Variants in RIMKLA observed in about 807,000 individuals in gnomAD.
RIMKLA encodes N-acetylaspartylglutamate synthase A.
RIMKLA carries 14 observed loss-of-function variants against 32.7 expected under a neutral mutation model. The observed-to-expected ratio is 0.43, with a 90% CI of 0.28 to 0.67. RIMKLA has a LOEUF of 0.67. Ranked by LOEUF, RIMKLA falls within the 30% of genes least tolerant of loss-of-function variation. The pLI is 0.18. For synonymous variants in RIMKLA, 176 were observed against 204.1 expected, an observed-to-expected ratio of 0.86 and a Z score of 1.18; for missense variants, 410 against 519.0, an observed-to-expected ratio of 0.79 and a Z score of 2.04.
At chr1:42,399,343 A>G (rs1643076394) in intron 1 of RIMKLA, 61 bp from the exon 2 acceptor site, 2 of 1,268,150 alleles carry the variant, frequency 1.6e-6, no homozygotes, top group Admixed American at 2.1e-5. Context: ...TGTTGGAACC[A>G]TTTCTTCTGG....
intron 4 of RIMKLA, among the ~76,000 whole-genome samples, chr1:42,411,960 A>G (rs941440349): frequency 1.3e-5 from 2 of 152,108 alleles, no homozygotes; most frequent in Admixed American, 1.3e-4. Flanking sequence ...GTCAGCCACC[A>G]CGCCCAGCCC....
chr1:42,396,119 C>A (rs1425189002), intron 1 of RIMKLA, among the ~76,000 whole-genome samples: 1 of 151,550 alleles, frequency 6.6e-6, no homozygotes, highest in Admixed American at 6.6e-5. Context: ...ACCTGTAATC[C>A]CAGCTACTTG....
At position 42,416,776 on chromosome 1, in the gene RIMKLA, A is replaced by G. The variant is rs1345568489; in HGVS notation, c.*1802A>G. 6 of 152,212 alleles carry G rather than the reference A, an allele frequency of 3.9e-5. No homozygotes were observed. The highest frequency in any genetic ancestry group is 1.2e-4 in the African/African-American group (5 of 41,442). The allele number at this position is 152,212 out of a possible 1,614,324, so 9.4% of individuals were successfully genotyped here. A position where few individuals can be genotyped will look rare whatever the true frequency, so the allele number is the denominator to read the frequency against. On this transcript the variant is annotated 3_prime_UTR_variant, in exon 5 of 5. Coordinates refer to ENST00000431473, the MANE Select transcript of RIMKLA (RefSeq NM_173642.4). Reference sequence around the variant, plus strand: ...TTTTTCATAACACATTTAAATAGAAATTGGCTTTTAAAGTATTGTAGTTAA... The same window carrying G: ...TTTTTCATAACACATTTAAATAGAAGTTGGCTTTTAAAGTATTGTAGTTAA...
In RIMKLA at chr1:42,417,682, G is replaced by T. The variant is rs895684146; in HGVS notation, c.*2708G>T. 1 of 152,362 alleles carries T rather than the reference G, an allele frequency of 6.6e-6. No individual in the cohort carries two copies. Among genetic ancestry groups the T allele is most frequent in the African/African-American group, 2.4e-5 (1 of 41,466 alleles). The allele number at this position is 152,362 out of a possible 1,614,324, so 9.4% of individuals were successfully genotyped here. On this transcript the variant is annotated 3_prime_UTR_variant, in exon 5 of 5. Coordinates refer to ENST00000431473, the MANE Select transcript of RIMKLA (RefSeq NM_173642.4). ...TCCTTAAAGAAAAAGGCCAGGCCGG[G>T]CGTGGTGGTTCACGCCTGTAATCTC...
intron 1 of RIMKLA, among the ~76,000 whole-genome samples, chr1:42,392,998 A>G (rs1223952453): frequency 6.6e-6 from 1 of 152,124 alleles, no homozygotes; most frequent in East Asian, 1.9e-4. Context: ...TCTCAAAACA[A>G]AAACTTGAAA....
intron 4 of RIMKLA, chr1:42,412,659 A>G (rs1476918379): frequency 1.0e-5 from 5 of 498,514 alleles, no homozygotes; most frequent in African/African-American, 5.9e-5. Context: ...AGATTTGCCA[A>G]CGTAACTATG....
At chr1:42,388,293 C>T (rs767447521) in intron 1 of RIMKLA, among the ~76,000 whole-genome samples, 6 of 151,970 alleles carry the variant, frequency 3.9e-5, no homozygotes, top group Non-Finnish European at 8.8e-5. Context: ...CAACCTCTGC[C>T]TCCTGAGTTC....
At chr1:42,384,542 T>TATATATATGTGTGTATATATAC (rs891388405) in intron 1 of RIMKLA, among the ~76,000 whole-genome samples, 5 of 144,312 alleles carry the variant, frequency 3.5e-5, no homozygotes, top group African/African-American at 1.1e-4. Context: ...CATATATATG[T>TATATATATGTGTGTATATATAC]ATATATATGT....
In RIMKLA at chr1:42,381,084, C is replaced by A; in HGVS notation, c.150C>A (p.Val50=). The change falls in exon 1 of 5, where the codon GTC becomes GTA. Residue 50 remains valine (V), a synonymous_variant. Coordinates refer to ENST00000431473, the MANE Select transcript of RIMKLA (RefSeq NM_173642.4). The part of the protein sequence containing the change: ...VLMDQIAVTI[V]GGHLGLQLNQ... ...TGGACCAGATCGCCGTCACCATCGT[C>A]GGCGGCCACCTCGGTGAGCGAGGCG... 7.9e-7 allele frequency: 1 copy of A among 1,263,824 alleles called. No individual in the cohort carries two copies. Among genetic ancestry groups the A allele is most frequent in the South Asian group, 2.8e-5 (1 of 35,604 alleles). 78.3% of individuals were successfully genotyped at this position (1,263,824 alleles called of 1,614,324 possible).
At chr1:42,406,190 T>C (rs1643146236) in intron 3 of RIMKLA, among the ~76,000 whole-genome samples, 1 of 152,186 alleles carries the variant, frequency 6.6e-6, no homozygotes, top group Non-Finnish European at 1.5e-5. Flanking sequence ...AAATTAAATA[T>C]ACATAATGTT....
At chr1:42,409,559 A>T (rs544119823) in intron 3 of RIMKLA, among the ~76,000 whole-genome samples, 1 of 152,354 alleles carries the variant, frequency 6.6e-6, no homozygotes, top group South Asian at 2.1e-4. Flanking sequence ...ATTAATTGGC[A>T]TCTGCCCTGT....
At position 42,416,644 on chromosome 1, in the gene RIMKLA, C is replaced by T. The variant is rs1257728924; in HGVS notation, c.*1670C>T. ...CAGCTTCACTGGAATAAACATACAT[C>T]TTCCCAAGGTGACTACTTCAAAGGC... On this transcript the variant is annotated 3_prime_UTR_variant, in exon 5 of 5. Transcript: ENST00000431473. The T allele has an allele frequency of 6.6e-6, 1 of 152,208 alleles. No individual in the cohort carries two copies. Among genetic ancestry groups the T allele is most frequent in the Non-Finnish European group, 1.5e-5 (1 of 68,048 alleles). The allele number at this position is 152,208 out of a possible 1,614,324, so 9.4% of individuals were successfully genotyped here. A position where few individuals can be genotyped will look rare whatever the true frequency, so the allele number is the denominator to read the frequency against.
At chr1:42,412,343 T>C (rs968795085) in intron 4 of RIMKLA, 17 of 182,476 alleles carry the variant, frequency 9.3e-5, no homozygotes, top group African/African-American at 3.3e-4. Flanking sequence ...CTCTCTCTCT[T>C]TTTTTTTGGT....
intron 2 of RIMKLA, among the ~76,000 whole-genome samples, chr1:42,403,756 C>T (rs539956922): frequency 1.3e-5 from 2 of 152,328 alleles, no homozygotes; most frequent in Non-Finnish European, 2.9e-5. Flanking sequence ...TCAGAAGTCT[C>T]ACAGCATAGC....
At chr1:42,393,190 C>T (rs1643014801) in intron 1 of RIMKLA, among the ~76,000 whole-genome samples, 1 of 133,954 alleles carries the variant, frequency 7.5e-6, no homozygotes, top group Non-Finnish European at 1.6e-5. Context: ...AATTACTATC[C>T]AGAGAGACTA....
At position 42,392,697 on chromosome 1, in the gene RIMKLA, T is replaced by C. The variant is rs57961682; in HGVS notation, c.164-6707T>C. Among the ~76,000 whole-genome samples, 1,373 of 152,256 alleles carry C rather than the reference T, an allele frequency of 9.0e-3. 26 individuals carry two copies. The highest frequency in any genetic ancestry group is 0.032 in the African/African-American group (1,314 of 41,540). ...AACACTTGAAATTGGCTGGGCATAGTGGCTCATACCCTGAGAGGTAGACAT... is the reference window on the plus strand; with the variant it reads ...AACACTTGAAATTGGCTGGGCATAGCGGCTCATACCCTGAGAGGTAGACAT... On this transcript the variant is annotated intron_variant, in intron 1 of 4. Transcript: ENST00000431473.
intron 2 of RIMKLA, among the ~76,000 whole-genome samples, chr1:42,403,738 T>C (rs1643120444): frequency 1.3e-5 from 2 of 152,202 alleles, no homozygotes; most frequent in South Asian, 4.1e-4. Context: ...CCTCGTAGTT[T>C]CTGTAGATCA....
At chr1:42,403,731 C>T (rs4660631) in intron 2 of RIMKLA, among the ~76,000 whole-genome samples, 26,940 of 152,100 alleles carry the variant, frequency 0.18, 2,488 homozygotes, top group East Asian at 0.22. Context: ...TTGATTACCT[C>T]GTAGTTTCTG....
intron 1 of RIMKLA, among the ~76,000 whole-genome samples, chr1:42,383,310 A>C (rs987116751): frequency 6.6e-6 from 1 of 152,186 alleles, no homozygotes. Context: ...ACAAATCACA[A>C]AACGTAGAAC....
Sources: gnomAD v4.1 joint callset for allele counts (sites outside exome capture counted in the v4.1 genomes callset) on GRCh38, gnomAD v4.1.1 for gene constraint, MANE v1.5 for transcripts, NCBI Gene and HGNC (gene_info 2026-07-23, HGNC 2026-07-21) for gene names.